The following ATF7IP variants were observed in gnomAD, a reference collection of about 807,000 sequenced individuals.
ATF7IP encodes activating transcription factor 7 interacting protein.
A neutral mutation model predicts 106.4 loss-of-function variants in ATF7IP; 23 were observed. The observed-to-expected ratio is 0.22, with a 90% CI of 0.16 to 0.31. The LOEUF (loss-of-function observed/expected upper bound fraction) is 0.31, where lower values mean the gene tolerates loss of function less well. Among genes scored for constraint, ATF7IP ranks in the 10% least tolerant of loss-of-function variants. The pLI is 1.00. For synonymous variants in ATF7IP, 542 were observed against 539.0 expected (o/e 1.01, Z -0.08); for missense variants, 1,334 against 1,524.3 (o/e 0.88, Z 2.08).
At chr12:14,470,996 G>A (rs1000544602) in intron 10 of ATF7IP, among the ~76,000 whole-genome samples, 5 of 152,008 alleles carry the variant, frequency 3.3e-5, no homozygotes, top group African/African-American at 9.7e-5. Context: ...TTCATGTGTT[G>A]CATTTTTATT....
At chr12:14,388,602 C>T (rs535107292) in intron 1 of ATF7IP, among the ~76,000 whole-genome samples, 10 of 152,204 alleles carry the variant, frequency 6.6e-5, no homozygotes, top group Admixed American at 2.0e-4. Context: ...CTGCCTAGGC[C>T]TCCCAAAGTG....
At chr12:14,379,470 A>T (rs570531802) in intron 1 of ATF7IP, among the ~76,000 whole-genome samples, 1 of 152,148 alleles carries the variant, frequency 6.6e-6, no homozygotes, top group South Asian at 2.1e-4. Flanking sequence ...GATTTCCTTC[A>T]CCTGTCTTCT....
chr12:14,456,819 C>A (rs1448362420), intron 7 of ATF7IP, among the ~76,000 whole-genome samples, 185 bp downstream of exon 7: 2 of 152,128 alleles, frequency 1.3e-5, no homozygotes, highest in Non-Finnish European at 2.9e-5. Context: ...CTTTTGCTAA[C>A]TTATTATAAG....
At chr12:14,433,584 C>T (rs977745097) in intron 2 of ATF7IP, among the ~76,000 whole-genome samples, 2 of 151,126 alleles carry the variant, frequency 1.3e-5, no homozygotes, top group African/African-American at 4.9e-5. Flanking sequence ...GCAGGAGAAT[C>T]ACTTGAACCC....
intron 10 of ATF7IP, among the ~76,000 whole-genome samples, chr12:14,472,358 TTTG>T (rs1167477592): frequency 5.9e-5 from 9 of 152,344 alleles, no homozygotes; most frequent in African/African-American, 2.2e-4. Flanking sequence ...CACACATTTC[TTTG>T]TTATTTAGAA....
intron 1 of ATF7IP, among the ~76,000 whole-genome samples, chr12:14,418,156 C>CAG (rs1428608985): frequency 1.3e-5 from 2 of 151,648 alleles, no homozygotes; most frequent in East Asian, 3.9e-4. Context: ...ATTTCCAAGC[C>CAG]AGAGAGACTT....
intron 6 of ATF7IP, among the ~76,000 whole-genome samples, chr12:14,454,804 A>G (rs1361293059): frequency 6.6e-6 from 1 of 152,248 alleles, no homozygotes; most frequent in East Asian, 1.9e-4. Context: ...GTTCTAAACC[A>G]TTTATTTATT....
chr12:14,470,563 A>G (rs954576720), intron 10 of ATF7IP, among the ~76,000 whole-genome samples: 1 of 152,206 alleles, frequency 6.6e-6, no homozygotes, highest in South Asian at 2.1e-4. Flanking sequence ...CTACAGTCAG[A>G]CAGCCTGGAG....
chr12:14,460,832 A>G lies in ATF7IP; in HGVS notation c.2496A>G (p.Pro832=). 4.3e-6 allele frequency: 7 copies of G among 1,614,214 alleles called. No individual in the cohort carries two copies. Among genetic ancestry groups the G allele is most frequent in the Non-Finnish European group, 5.9e-6 (7 of 1,180,036 alleles). ...PPTVSGLTKN[P]VSLPSLPNPT... is the part of the protein sequence containing the mutation. Reference sequence around the variant, plus strand: ...CAGTGAGTGGTCTTACCAAAAATCCAGTATCCTTGCCATCCTTGCCAAATC... The same window carrying G: ...CAGTGAGTGGTCTTACCAAAAATCCGGTATCCTTGCCATCCTTGCCAAATC... The change falls in exon 9 of 15, where the codon CCA becomes CCG. Residue 832 remains proline, a synonymous_variant. Coordinates refer to ENST00000261168, the MANE Select transcript of ATF7IP (RefSeq NM_018179.5).
intron 1 of ATF7IP, among the ~76,000 whole-genome samples, chr12:14,394,262 T>C: frequency 6.6e-6 from 1 of 152,328 alleles, no homozygotes. Context: ...ATTTGTATTT[T>C]TAATGATTGC....
At chr12:14,462,803 A>C (rs1404508860) in intron 9 of ATF7IP, among the ~76,000 whole-genome samples, 1 of 151,962 alleles carries the variant, frequency 6.6e-6, no homozygotes, top group Non-Finnish European at 1.5e-5. Context: ...GATAATGCAC[A>C]ATTATTTCTA....
At chr12:14,422,135 G>C (rs1487696021) in intron 1 of ATF7IP, among the ~76,000 whole-genome samples, 4 of 152,052 alleles carry the variant, frequency 2.6e-5, no homozygotes, top group Non-Finnish European at 5.9e-5. Flanking sequence ...GGAAAAGGAT[G>C]ACATGTTAAG....
At chr12:14,456,392 A>AC (rs1175699500) in intron 6 of ATF7IP, among the ~76,000 whole-genome samples, 169 bp from the exon 7 acceptor site, 27 of 152,352 alleles carry the variant, frequency 1.8e-4, no homozygotes, top group African/African-American at 6.0e-4. Context: ...GATACAATGA[A>AC]CAAGTGATAA....
Position 14,475,879 on chromosome 12 carries a change from T to G in ATF7IP, c.2863-11T>G. ...GTTTTCTTTGTAAAATGTAGAAGTT[T>G]TGTTTTTCAGTGTGGAAAAGCCACT... On this transcript the variant is annotated splice_polypyrimidine_tract_variant and intron_variant, in intron 10 of 14. Transcript: ENST00000261168. 1 of 1,600,998 alleles carries G rather than the reference T, an allele frequency of 6.2e-7. No homozygotes were observed. The highest frequency in any genetic ancestry group is 8.5e-7 in the Non-Finnish European group (1 of 1,175,654).
At chr12:14,381,786 A>G (rs1939011984) in intron 1 of ATF7IP, among the ~76,000 whole-genome samples, 1 of 152,012 alleles carries the variant, frequency 6.6e-6, no homozygotes, top group Non-Finnish European at 1.5e-5. Context: ...TAGATTCTAT[A>G]GTTTTCAATA....
At chr12:14,485,558 C>G (rs1944577180) in intron 13 of ATF7IP, among the ~76,000 whole-genome samples, 1 of 152,118 alleles carries the variant, frequency 6.6e-6, no homozygotes, top group Non-Finnish European at 1.5e-5. Context: ...TGATATCTTC[C>G]AGGAGCAAAA....
At chr12:14,474,927 A>T (rs1591943742) in intron 10 of ATF7IP, among the ~76,000 whole-genome samples, 1 of 152,128 alleles carries the variant, frequency 6.6e-6, no homozygotes, top group South Asian at 2.1e-4. Flanking sequence ...TTTGTAAATA[A>T]CCCATTTTCT....
At chr12:14,452,567 G>C (rs1214035430) in intron 6 of ATF7IP, among the ~76,000 whole-genome samples, 1 of 152,086 alleles carries the variant, frequency 6.6e-6, no homozygotes, top group Non-Finnish European at 1.5e-5. Context: ...AGTTACAACT[G>C]TCTATGTTAA....
Position 14,457,251 on chromosome 12 carries a change from T to G in ATF7IP, c.2114T>G (p.Val705Gly). The change falls in exon 8 of 15, where the codon GTA becomes GGA. Residue 705 changes from valine to glycine, a missense_variant. By Grantham distance (109) the Val-to-Gly change is moderately radical (BLOSUM62 -3). Transcript: ENST00000261168. ...CAGATGCTGGAGTCCAAAAGAAATG[T>G]AAGCGAGAGTGCACCACCATCCTTT... ...VRQMLESKRN[V>G]SESAPPSFQT... 6.2e-7 allele frequency: 1 copy of G among 1,613,902 alleles called. No individual in the cohort carries two copies. Among genetic ancestry groups the G allele is most frequent in the Non-Finnish European group, 8.5e-7 (1 of 1,179,934 alleles).
Sources: gnomAD v4.1 joint callset for allele counts (sites outside exome capture counted in the v4.1 genomes callset) on GRCh38, gnomAD v4.1.1 for gene constraint, MANE v1.5 for transcripts, NCBI Gene and HGNC (gene_info 2026-07-23, HGNC 2026-07-21) for gene names.